PLCB2: variants seen among roughly 807,000 people sequenced by gnomAD.
The protein encoded by PLCB2 is 1-phosphatidylinositol 4,5-bisphosphate phosphodiesterase beta-2.
A neutral mutation model predicts 141.7 loss-of-function variants in PLCB2; 115 were observed. The observed-to-expected ratio is 0.81, with a 90% CI of 0.70 to 0.95. The LOEUF is 0.95. Ranked by LOEUF, PLCB2 falls within the 40% of genes least tolerant of loss-of-function variation. The pLI, the probability that PLCB2 is intolerant of heterozygous loss-of-function variation, is 0.00. For missense variants in PLCB2, 1,403 were observed against 1,541.1 expected, an observed-to-expected ratio of 0.91 and a Z score of 1.50; for synonymous variants, 603 against 595.6, an observed-to-expected ratio of 1.01 and a Z score of -0.18.
downstream of PLCB2, among the ~76,000 whole-genome samples, chr15:40,285,069 G>A (rs2039591694): frequency 6.6e-6 from 1 of 152,112 alleles, no homozygotes; most frequent in Non-Finnish European, 1.5e-5. Context: ...GCGTGGCAAA[G>A]TGGGCTCATG....
At chr15:40,307,132 G>T (rs967661157) in intron 1 of PLCB2, among the ~76,000 whole-genome samples, 1 of 152,200 alleles carries the variant, frequency 6.6e-6, no homozygotes, top group Non-Finnish European at 1.5e-5. Context: ...GCGCAGGGGA[G>T]AGCAAGGCTT....
intron 24 of PLCB2, 81 bp from the exon 25 acceptor site, chr15:40,291,731 G>A: frequency 6.2e-7 from 1 of 1,603,114 alleles, no homozygotes; most frequent in Non-Finnish European, 8.5e-7. Context: ...CGCCCCCTGG[G>A]AGTCGCAGTA....
chr15:40,284,820 C>CA (rs2039586447), downstream of PLCB2, among the ~76,000 whole-genome samples: 1 of 109,940 alleles, frequency 9.1e-6, no homozygotes, highest in East Asian at 3.1e-4. Context: ...AGCCTGGAGA[C>CA]AGAGTGAGAC....
At chr15:40,298,406 G>A in intron 10 of PLCB2, 26 bp from the exon 11 acceptor site, 1 of 1,575,196 alleles carries the variant, frequency 6.3e-7, no homozygotes, top group Non-Finnish European at 8.6e-7. Flanking sequence ...GGGAAGAGGT[G>A]AGGGCATCAC....
In PLCB2 at chr15:40,302,326, G is replaced by A. The variant is rs889689232; in HGVS notation, c.396C>T (p.Ala132=). The A allele has an allele frequency of 2.5e-6, 4 of 1,613,946 alleles. No homozygotes were observed. The African/African-American group carries it at 5.3e-5, about 22-fold the overall frequency. ...TGGCCGTCAGCGGATGTTTGACTAG[G>A]GCCAGTACGTCCTCAGCCCAGGCCT... ...VGKAWAEDVL[A]LVKHPLTANA... Residue 132 remains alanine (A), a synonymous_variant, in exon 5 of 32, where the codon GCC becomes GCT. Coordinates refer to ENST00000260402, the MANE Select transcript of PLCB2 (RefSeq NM_004573.3).
In PLCB2 at chr15:40,294,403, T is replaced by A. The variant is rs931137187; in HGVS notation, c.1924A>T (p.Asn642Tyr). The A allele has an allele frequency of 6.2e-7, 1 of 1,614,086 alleles. No individual in the cohort carries two copies. Among genetic ancestry groups the A allele is most frequent in the Admixed American group, 1.7e-5 (1 of 60,010 alleles). The part of the protein sequence containing the change: ...FQTMDLPMQQ[N>Y]MAVFEFNGQS... ...CCGTTGAACTCAAATACTGCCATGT[T>A]CTGCTGCATGGGCAAGTCTGGAGGG... is the stretch of plus-strand genomic sequence containing the variant. Residue 642 changes from asparagine (N) to tyrosine (Y), a missense_variant, in exon 19 of 32, where the codon AAC becomes TAC. By Grantham distance (143) the Asn-to-Tyr change is moderately radical. This residue lies in a region of PLCB2 where 975 missense variants were observed against 1,141.1 expected (regional missense o/e 0.85). Transcript: ENST00000260402.
intron 10 of PLCB2, 69 bp downstream of exon 10, chr15:40,298,493 C>T (rs1362629207): frequency 6.2e-7 from 1 of 1,605,966 alleles, no homozygotes; most frequent in East Asian, 2.2e-5. Context: ...AGCATGTGGG[C>T]AACCCCTGTG....
intron 29 of PLCB2, among the ~76,000 whole-genome samples, 181 bp downstream of exon 29, chr15:40,290,396 T>C (rs992442044): frequency 1.3e-5 from 2 of 152,240 alleles, no homozygotes; most frequent in East Asian, 1.9e-4. Context: ...CCATGTAGTG[T>C]TGGCCTCCGT....
chr15:40,293,173 C>T, intron 20 of PLCB2, 148 bp from the exon 21 acceptor site: 1 of 603,972 alleles, frequency 1.7e-6, no homozygotes, highest in South Asian at 2.0e-5. Context: ...ACACTCTAGG[C>T]CATATACAAA....
chr15:40,293,854 T>C, intron 19 of PLCB2, 130 bp from the exon 20 acceptor site: 2 of 866,744 alleles, frequency 2.3e-6, no homozygotes, highest in Non-Finnish European at 3.5e-6. Context: ...CACTCAGCTC[T>C]GGCCATGAGT....
At position 40,302,482 on chromosome 15, in the gene PLCB2, T is replaced by G. The variant is rs1297420923; in HGVS notation, c.359A>C (p.Glu120Ala). The G allele has an allele frequency of 6.2e-7, 1 of 1,613,960 alleles. No homozygotes were observed. The highest frequency in any genetic ancestry group is 8.5e-7 in the Non-Finnish European group (1 of 1,179,996). The change falls in exon 4 of 32, where the codon GAG becomes GCG. Residue 120 changes from glutamate (E) to alanine (A), a missense_variant. Glu to Ala is a moderately radical substitution (Grantham distance 107). Transcript: ENST00000260402. ...LTFHNFVSYK[E>A]NVGKAWAEDV... ...TCCCTGGCACACCTTGCCCACGTTC[T>G]CCTTGTAGGAGACGAAGTTGTGGAA...
intron 7 of PLCB2, chr15:40,301,342 A>T (rs2040495325): frequency 1.2e-5 from 7 of 575,250 alleles, no homozygotes; most frequent in Non-Finnish European, 2.2e-5. Context: ...GCCAGGCTTG[A>T]AGCCTAGCTC....
In PLCB2 at chr15:40,303,985, A is replaced by T; in HGVS notation, c.162+16T>A. The T allele has an allele frequency of 6.5e-7, 1 of 1,544,260 alleles. No homozygotes were observed. The highest frequency in any genetic ancestry group is 8.8e-7 in the Non-Finnish European group (1 of 1,132,626). Reference sequence around the variant, plus strand: ...AAGCAGGAGTCCAGGGCCATGGCACACAAGGGTTTTCTCACCTTACTTTGA... The same window carrying T: ...AAGCAGGAGTCCAGGGCCATGGCACTCAAGGGTTTTCTCACCTTACTTTGA... On this transcript the variant is annotated intron_variant, in intron 2 of 31. Transcript: ENST00000260402.
Position 40,296,784 on chromosome 15 carries a change from C to T in PLCB2, c.1448G>A (p.Gly483Asp). 1.2e-6 allele frequency: 2 copies of T among 1,614,012 alleles called. No homozygotes were observed. Among genetic ancestry groups the T allele is most frequent in the Non-Finnish European group, 1.7e-6 (2 of 1,179,940 alleles). ...SSKDTGGEAE[G>D]SSPPSAPAGE... ...TGCAGGGGCACTGGGTGGGCTGCTG[C>T]CCTCAGCCTCCCCACCAGTATCCTT... Residue 483 changes from glycine (G) to aspartate (D), a missense_variant, in exon 14 of 32, where the codon GGC (glycine) becomes GAC (aspartate). By Grantham distance (94) the Gly-to-Asp change is moderately conservative. Coordinates refer to ENST00000260402, the MANE Select transcript of PLCB2 (RefSeq NM_004573.3).
chr15:40,300,885 A>C (rs1595673682), intron 7 of PLCB2: 1 of 152,284 alleles, frequency 6.6e-6, no homozygotes, highest in Admixed American at 6.5e-5. Context: ...ATCTCCCCAA[A>C]CCCCTCCCTG....
rs2040535589 is a variant in PLCB2, at chr15:40,302,026, G to C, written c.513C>G (p.Phe171Leu). ...SEGKIPVKNF[F>L]QMFPADRKRV... is the part of the protein sequence containing the mutation. ...GCTTGCGGTCAGCAGGAAACATCTGGAAAAAGCTGAAGGGGCAGAGAAAGG... is the reference window on the plus strand; with the variant it reads ...GCTTGCGGTCAGCAGGAAACATCTGCAAAAAGCTGAAGGGGCAGAGAAAGG... Residue 171 changes from phenylalanine (F) to leucine (L), a missense_variant, in exon 7 of 32, where the codon TTC becomes TTG. By Grantham distance (22) the Phe-to-Leu change is conservative. Coordinates refer to ENST00000260402, the MANE Select transcript of PLCB2 (RefSeq NM_004573.3). 1.2e-6 allele frequency: 2 copies of C among 1,614,092 alleles called. No individual in the cohort carries two copies. The highest frequency in any genetic ancestry group is 8.5e-7 in the Non-Finnish European group (1 of 1,180,042).
chr15:40,294,360 A>G lies in PLCB2; in HGVS notation c.1967T>C (p.Leu656Pro). The part of the protein sequence containing the change: ...FEFNGQSGYL[L>P]KHEFMRRPDK... ...CGGCCGGCGCATGAACTCATGCTTG[A>G]GGAGGTAGCCGCTCTGCCCGTTGAA... The change falls in exon 19 of 32, where the codon CTC becomes CCC. Residue 656 changes from leucine to proline, a missense_variant. Physicochemically the swap from Leu to Pro is moderately conservative, Grantham distance 98. Transcript: ENST00000260402. 6.2e-7 allele frequency: 1 copy of G among 1,614,146 alleles called. No homozygotes were observed. Among genetic ancestry groups the G allele is most frequent in the Non-Finnish European group, 8.5e-7 (1 of 1,180,002 alleles).
chr15:40,288,076 G>C lies in PLCB2; in HGVS notation c.*639C>G. ...GGAAGAGGGGTGAGCCAGGGTCAGG[G>C]TGGAACAGCACCCAAGAGCCCACTG... On this transcript the variant is annotated 3_prime_UTR_variant, in exon 32 of 32. Transcript: ENST00000260402. 1.0e-6 allele frequency: 1 copy of C among 985,536 alleles called. No individual in the cohort carries two copies. Among genetic ancestry groups the C allele is most frequent in the Non-Finnish European group, 1.2e-6 (1 of 829,986 alleles). The allele number at this position is 985,536 out of a possible 1,614,324, so 61.0% of individuals were successfully genotyped here.
At chr15:40,302,107 G>A in intron 6 of PLCB2, 29 bp downstream of exon 6, 1 of 1,613,086 alleles carries the variant, frequency 6.2e-7, no homozygotes, top group Non-Finnish European at 8.5e-7. Context: ...GGAGCCCCTG[G>A]AAGCCTGGGG....
Sources: gnomAD v4.1 joint callset for allele counts (sites outside exome capture counted in the v4.1 genomes callset) on GRCh38, gnomAD v4.1.1 for gene constraint, gnomAD v4.1.1 regional missense constraint, MANE v1.5 for transcripts, NCBI Gene and HGNC (gene_info 2026-07-23, HGNC 2026-07-21) for gene names.